The following PIK3R3 variants were observed in gnomAD, a reference collection of about 807,000 sequenced individuals.
PIK3R3 encodes the protein phosphatidylinositol 3-kinase regulatory subunit gamma.
A neutral mutation model predicts 62.9 loss-of-function variants in PIK3R3; 64 were observed. The ratio of observed to expected loss-of-function variants is 1.02; its 90% confidence interval spans 0.83 to 1.25. The LOEUF is 1.25. Among genes scored for constraint, PIK3R3 ranks in the 50% most tolerant of loss-of-function variants. The probability of loss-of-function intolerance (pLI) is 0.00; values close to 1 mark genes in which losing one functional copy is unlikely to be tolerated. For synonymous variants in PIK3R3, 165 were observed against 189.0 expected (o/e 0.87, Z 1.04); for missense variants, 614 against 561.6 (o/e 1.09, Z -0.94).
chr1:46,061,841 G>A, intron 6 of PIK3R3, 88 bp downstream of exon 6: 3 of 1,249,888 alleles, frequency 2.4e-6, no homozygotes, highest in Non-Finnish European at 3.5e-6. Flanking sequence ...TGCAGTTTGA[G>A]GGGGTAAAAG....
the PIK3R3 span, among the ~76,000 whole-genome samples, chr1:46,145,123 C>CAA: frequency 7.6e-5 from 6 of 78,588 alleles, no homozygotes; most frequent in Non-Finnish European, 1.1e-4. Context: ...AACTCCACCT[C>CAA]AAAAAAAAAA....
chr1:46,133,036 TGCC>T, upstream of PIK3R3: 1 of 1,022,074 alleles, frequency 9.8e-7, no homozygotes, highest in Non-Finnish European at 1.2e-6. Flanking sequence ...TGAGGCCGGT[TGCC>T]GGAGCCTGGA....
At chr1:46,131,475 T>G (rs1053121797) in intron 1 of PIK3R3, among the ~76,000 whole-genome samples, 1 of 152,176 alleles carries the variant, frequency 6.6e-6, no homozygotes, top group African/African-American at 2.4e-5. Context: ...CCCCGGGATA[T>G]AAAACATCCT....
chr1:46,089,094 C>G (rs745451447), intron 1 of PIK3R3, among the ~76,000 whole-genome samples: 1 of 152,142 alleles, frequency 6.6e-6, no homozygotes, highest in Non-Finnish European at 1.5e-5. Context: ...CTCTCAGCAT[C>G]CTTTCTTAGG....
At chr1:46,165,125 A>G in the PIK3R3 span, among the ~76,000 whole-genome samples, 3 of 151,874 alleles carry the variant, frequency 2.0e-5, no homozygotes, top group East Asian at 3.9e-4. Context: ...TCCTACTCAT[A>G]TTTTGAGATT....
intron 1 of PIK3R3, among the ~76,000 whole-genome samples, chr1:46,128,036 T>C (rs1655246736): frequency 6.6e-6 from 1 of 152,190 alleles, no homozygotes; most frequent in Non-Finnish European, 1.5e-5. Context: ...ACAACAATGT[T>C]AGTTATTGAA....
intron 1 of PIK3R3, among the ~76,000 whole-genome samples, chr1:46,085,836 T>C (rs1471701115): frequency 6.6e-6 from 1 of 152,224 alleles, no homozygotes; most frequent in Non-Finnish European, 1.5e-5. Context: ...TATATAGCAC[T>C]TTTATTTCCA....
chr1:46,088,879 G>GAA (rs74354949), intron 1 of PIK3R3, among the ~76,000 whole-genome samples: 7 of 132,086 alleles, frequency 5.3e-5, no homozygotes, highest in Admixed American at 2.3e-4. Flanking sequence ...ATCACAAGGG[G>GAA]AAAAAAAAAA....
intron 1 of PIK3R3, among the ~76,000 whole-genome samples, chr1:46,114,320 G>C (rs1653990285): frequency 6.6e-6 from 1 of 152,224 alleles, no homozygotes; most frequent in African/African-American, 2.4e-5. Flanking sequence ...GGAAGAGAAA[G>C]TAGATATGCA....
intron 1 of PIK3R3, among the ~76,000 whole-genome samples, chr1:46,109,476 G>C (rs785486): frequency 0.68 from 102,574 of 151,876 alleles, 34,880 homozygotes; most frequent in Non-Finnish European, 0.71. Flanking sequence ...AGACCAATGT[G>C]CTGGTTTTTT....
chr1:46,106,323 T>G (rs1653199171), intron 1 of PIK3R3, among the ~76,000 whole-genome samples: 1 of 152,158 alleles, frequency 6.6e-6, no homozygotes, highest in South Asian at 2.1e-4. Context: ...CAGGCTGGTC[T>G]CAAAATCCTG....
chr1:46,070,358 G>GTCACAT (rs2149400913), intron 3 of PIK3R3, among the ~76,000 whole-genome samples: 1 of 152,324 alleles, frequency 6.6e-6, no homozygotes, highest in East Asian at 1.9e-4. Context: ...ACATTAATGT[G>GTCACAT]TAAATATGTT....
At chr1:46,088,313 AAAC>A (rs1651288176) in intron 1 of PIK3R3, among the ~76,000 whole-genome samples, 2 of 144,588 alleles carry the variant, frequency 1.4e-5, no homozygotes, top group Admixed American at 1.4e-4. Flanking sequence ...TAAAATAAAA[AAAC>A]AACAGACATT....
At chr1:46,097,172 G>A (rs192458029) in intron 1 of PIK3R3, among the ~76,000 whole-genome samples, 146 of 152,182 alleles carry the variant, frequency 9.6e-4, no homozygotes, top group African/African-American at 3.2e-3. Flanking sequence ...ATCAATCAAG[G>A]TAACACACTG....
chr1:46,087,009 C>T (rs889197731), intron 1 of PIK3R3, among the ~76,000 whole-genome samples: 15 of 152,074 alleles, frequency 9.9e-5, no homozygotes, highest in African/African-American at 3.6e-4. Flanking sequence ...AGCGAACTAT[C>T]GCAAGGACAG....
rs898385670 is a variant in PIK3R3, at chr1:46,074,368, C to T, written c.314+3147G>A. 4.0e-5 allele frequency among the ~76,000 whole-genome samples: 6 copies of T among 148,598 alleles called. No individual in the cohort carries two copies. In the East Asian group the frequency reaches 6.2e-4, roughly 15 times the overall value. On this transcript the variant is annotated intron_variant, in intron 3 of 9. Transcript: ENST00000262741. ...TTATGTTCCTTCCACCATTATCTCA[C>T]ACCCTAAATACACCCTAAATATCTA... is the stretch of plus-strand genomic sequence containing the variant.
chr1:46,071,101 CCTT>C (rs1179877003), intron 3 of PIK3R3, among the ~76,000 whole-genome samples: 1 of 152,034 alleles, frequency 6.6e-6, no homozygotes, highest in African/African-American at 2.4e-5. Context: ...CCCAGGCCCT[CCTT>C]CTCCCTCACT....
chr1:46,111,405 G>A (rs1653729923), intron 1 of PIK3R3, among the ~76,000 whole-genome samples: 1 of 151,852 alleles, frequency 6.6e-6, no homozygotes, highest in African/African-American at 2.4e-5. Context: ...TTACCTCTGG[G>A]GGTAAGAAGG....
rs560294764 is a variant in PIK3R3 at position 46,041,181 on chromosome 1, C to G, written c.*2492G>C. On this transcript the variant is annotated 3_prime_UTR_variant, in exon 10 of 10. Transcript: ENST00000262741. ...CCAAGACCTGCTCCCAAGTCATGGG[C>G]GTAGAGAAGCACCTTGCTACCCTCT... The G allele has an allele frequency of 6.5e-6, 1 of 154,006 alleles. No individual in the cohort carries two copies. Among genetic ancestry groups the G allele is most frequent in the South Asian group, 2.1e-4 (1 of 4,828 alleles). The allele number at this position is 154,006 out of a possible 1,614,324, so 9.5% of individuals were successfully genotyped here. A position where few individuals can be genotyped will look rare whatever the true frequency, so the allele number is the denominator to read the frequency against.
Sources: allele counts gnomAD v4.1 joint callset (sites outside exome capture counted in the v4.1 genomes callset), GRCh38; gene constraint gnomAD v4.1.1; transcripts MANE v1.5; gene names NCBI Gene and HGNC (gene_info 2026-07-23, HGNC 2026-07-21).